Variants in FIG4 observed in about 807,000 individuals in gnomAD.
FIG4 encodes the protein polyphosphoinositide phosphatase.
FIG4 carries 112 observed loss-of-function variants against 118.6 expected under a neutral mutation model. The observed-to-expected ratio is 0.94, with a 90% CI of 0.81 to 1.11. The LOEUF is 1.11. FIG4 is among the 50% of genes least tolerant of loss of function. The pLI is 0.00. For synonymous variants in FIG4, 369 were observed against 381.2 expected, an observed-to-expected ratio of 0.97 and a Z score of 0.37; for missense variants, 969 against 1,111.7, an observed-to-expected ratio of 0.87 and a Z score of 1.83.
chr6:109,806,415 T>C (rs1778565244), intron 22 of FIG4, among the ~76,000 whole-genome samples: 1 of 151,936 alleles, frequency 6.6e-6, no homozygotes, highest in Admixed American at 6.6e-5. Flanking sequence ...TAATCACACT[T>C]GTGTGGAGAG....
At chr6:109,791,900 G>A (rs73523101) in intron 20 of FIG4, among the ~76,000 whole-genome samples, 95 of 152,228 alleles carry the variant, frequency 6.2e-4, no homozygotes, top group African/African-American at 1.9e-3. Flanking sequence ...GGATTTAGAC[G>A]TGGCCTTCAC....
rs1778301838 is a variant in FIG4, at chr6:109,796,836, A to C, written c.2531A>C (p.Asp844Ala). The change falls in exon 22 of 23, where the codon GAT becomes GCT. Residue 844 changes from aspartate to alanine, a missense_variant. Coordinates refer to ENST00000230124, the MANE Select transcript of FIG4 (RefSeq NM_014845.6). ...NSQQPCSRCS[D>A]GVIKLTPISA... ...CAGCAGCCCTGTTCTAGGTGCTCAGATGGAGTTATAAAACTGTAAGTACTA... is the reference window on the plus strand; with the variant it reads ...CAGCAGCCCTGTTCTAGGTGCTCAGCTGGAGTTATAAAACTGTAAGTACTA... The C allele has an allele frequency of 6.3e-7, 1 of 1,597,224 alleles. No homozygotes were observed. The highest frequency in any genetic ancestry group is 1.1e-5 in the South Asian group (1 of 90,732).
In FIG4 at chr6:109,825,284, T is replaced by A. The variant is rs776947872; in HGVS notation, c.*19T>A. On this transcript the variant is annotated 3_prime_UTR_variant, in exon 23 of 23. Coordinates refer to ENST00000230124, the MANE Select transcript of FIG4 (RefSeq NM_014845.6). ...CCTGTGAAAAGAGCGCAGGTCCACC[T>A]GGTGGACACGTCTGATTAGCTTAGA... 1.9e-6 allele frequency: 3 copies of A among 1,609,190 alleles called. No homozygotes were observed. In the South Asian group the frequency reaches 3.3e-5, roughly 18 times the overall value.
chr6:109,789,144 G>C (rs954173212), intron 18 of FIG4, among the ~76,000 whole-genome samples: 1 of 152,162 alleles, frequency 6.6e-6, no homozygotes, highest in Admixed American at 6.5e-5. Flanking sequence ...TTAGTGTTTT[G>C]TCATTGGCCT....
intron 18 of FIG4, among the ~76,000 whole-genome samples, chr6:109,786,910 C>CCA (rs935244268): frequency 6.6e-6 from 1 of 151,988 alleles, no homozygotes; most frequent in Non-Finnish European, 1.5e-5. Context: ...TCTCTCTCCC[C>CCA]CACACACACA....
intron 3 of FIG4, among the ~76,000 whole-genome samples, chr6:109,719,535 C>T (rs536248730): frequency 1.7e-3 from 260 of 152,008 alleles, no homozygotes; most frequent in African/African-American, 6.1e-3. Context: ...AGGCATATGC[C>T]GCCACGCCCG....
intron 1 of FIG4, among the ~76,000 whole-genome samples, chr6:109,706,088 A>G (rs146712726): frequency 0.01 from 1,592 of 152,350 alleles, 94 homozygotes; most frequent in Admixed American, 0.096. Flanking sequence ...TTGTGCTACT[A>G]GACTAGGAAA....
intron 17 of FIG4, 102 bp downstream of exon 17, chr6:109,785,130 A>G (rs1431399606): frequency 1.3e-6 from 1 of 759,568 alleles, no homozygotes; most frequent in Non-Finnish European, 2.4e-6. Context: ...ATTTTATTAG[A>G]AACAAATGAA....
At chr6:109,777,504 C>T (rs1019629455) in intron 16 of FIG4, among the ~76,000 whole-genome samples, 7 of 152,208 alleles carry the variant, frequency 4.6e-5, no homozygotes, top group African/African-American at 1.4e-4. Flanking sequence ...TTCCTACAAA[C>T]TTGAAACTCT....
intron 1 of FIG4, among the ~76,000 whole-genome samples, chr6:109,714,159 CCTT>C (rs1045986292): frequency 4.6e-5 from 7 of 152,164 alleles, no homozygotes; most frequent in African/African-American, 1.7e-4. Flanking sequence ...CAGGGAGTCT[CCTT>C]CTGTCAGGAT....
chr6:109,739,540 C>T (rs1167972205), intron 7 of FIG4, among the ~76,000 whole-genome samples: 1 of 151,980 alleles, frequency 6.6e-6, no homozygotes, highest in Non-Finnish European at 1.5e-5. Flanking sequence ...TTTAAAAGAA[C>T]CAAAAAAGAA....
chr6:109,731,860 A>G (rs1776011285), intron 4 of FIG4, among the ~76,000 whole-genome samples: 2 of 152,210 alleles, frequency 1.3e-5, no homozygotes, highest in Non-Finnish European at 2.9e-5. Flanking sequence ...AAAGTGAACA[A>G]ATTAAATCTA....
chr6:109,733,605 A>G (rs564643488), intron 5 of FIG4, among the ~76,000 whole-genome samples: 43 of 152,182 alleles, frequency 2.8e-4, no homozygotes, highest in African/African-American at 9.6e-4. Context: ...TGTCTACTAC[A>G]TGGGGTGAAT....
At position 109,796,867 on chromosome 6, in the gene FIG4, G is replaced by C. The variant is rs6907186; in HGVS notation, c.2546+16G>C. ...TTATAAAACTGTAAGTACTAGATTA[G>C]ATCTTTAAAGAAATCTTTGTATTCA... is the stretch of plus-strand genomic sequence containing the variant. On this transcript the variant is annotated intron_variant, in intron 22 of 22. Coordinates refer to ENST00000230124, the MANE Select transcript of FIG4 (RefSeq NM_014845.6). 7.2e-7 allele frequency: 1 copy of C among 1,398,108 alleles called. No homozygotes were observed. 86.6% of individuals were successfully genotyped at this position (1,398,108 alleles called of 1,614,324 possible).
chr6:109,721,965 T>C (rs1040734163), intron 3 of FIG4, among the ~76,000 whole-genome samples: 1 of 152,126 alleles, frequency 6.6e-6, no homozygotes, highest in African/African-American at 2.4e-5. Context: ...TACTAAGAAT[T>C]TTTATCTAAA....
chr6:109,734,869 A>C lies in FIG4; in HGVS notation c.498-281A>C, dbSNP rs529060555. ...ATCAACTTAGATTGATTTCAGTATG[A>C]AGCAAAAAATGCACATTGTACAAAT... On this transcript the variant is annotated intron_variant, in intron 5 of 22. Transcript: ENST00000230124. Among the ~76,000 whole-genome samples, 12 of 152,292 alleles carry C rather than the reference A, an allele frequency of 7.9e-5. No homozygotes were observed. In the East Asian group the frequency reaches 2.1e-3, roughly 27 times the overall value.
At chr6:109,750,612 G>A (rs1406267320) in intron 10 of FIG4, among the ~76,000 whole-genome samples, 1 of 152,074 alleles carries the variant, frequency 6.6e-6, no homozygotes, top group African/African-American at 2.4e-5. Context: ...CAGCCTGGGC[G>A]ACAGAGTGAG....
At chr6:109,803,667 G>A (rs1778485520) in intron 22 of FIG4, among the ~76,000 whole-genome samples, 1 of 151,386 alleles carries the variant, frequency 6.6e-6, no homozygotes, top group African/African-American at 2.4e-5. Flanking sequence ...TGTGCACAAC[G>A]TGCAGGTTTG....
Position 109,825,282 on chromosome 6 carries a change from CCTGG to C in FIG4, c.*18_*21del. The C allele has an allele frequency of 6.2e-7, 1 of 1,611,194 alleles. No individual in the cohort carries two copies. The highest frequency in any genetic ancestry group is 8.5e-7 in the Non-Finnish European group (1 of 1,177,458). ...TACCTGTGAAAAGAGCGCAGGTCCA[CCTGG>C]TGGACACGTCTGATTAGCTTAGAAC... On this transcript the variant is annotated 3_prime_UTR_variant, in exon 23 of 23. Transcript: ENST00000230124.
Sources: allele counts gnomAD v4.1 joint callset (sites outside exome capture counted in the v4.1 genomes callset), GRCh38; gene constraint gnomAD v4.1.1; transcripts MANE v1.5; gene names NCBI Gene and HGNC (gene_info 2026-07-23, HGNC 2026-07-21).